The following RALGPS1 variants were observed in gnomAD, a reference collection of about 807,000 sequenced individuals.
RALGPS1 encodes the protein ras-specific guanine nucleotide-releasing factor RalGPS1.
A neutral mutation model predicts 78.8 loss-of-function variants in RALGPS1; 19 were observed. That is an observed-to-expected ratio of 0.24 (90% confidence interval 0.17 to 0.35). The LOEUF (loss-of-function observed/expected upper bound fraction) is 0.35, where lower values mean the gene tolerates loss of function less well. Among genes scored for constraint, RALGPS1 ranks in the 10% least tolerant of loss-of-function variants. The probability of loss-of-function intolerance (pLI) is 1.00; values close to 1 mark genes in which losing one functional copy is unlikely to be tolerated. For missense variants in RALGPS1, 454 were observed against 688.3 expected (o/e 0.66, Z 3.81); for synonymous variants, 228 against 256.3 (o/e 0.89, Z 1.06).
intron 11 of RALGPS1, among the ~76,000 whole-genome samples, chr9:127,186,038 TTG>T: frequency 6.6e-6 from 1 of 152,302 alleles, no homozygotes; most frequent in Middle Eastern, 3.4e-3. Flanking sequence ...TCCTGAGTCT[TTG>T]GCATCACTGT....
intron 8 of RALGPS1, chr9:127,108,816 C>T: frequency 7.2e-7 from 1 of 1,393,992 alleles, no homozygotes; most frequent in Non-Finnish European, 9.6e-7. Context: ...AGTGATGGTC[C>T]CACCACTGTC....
chr9:127,091,833 G>A lies in RALGPS1; in HGVS notation c.610+22477G>A, dbSNP rs1045659840. ...CGTATTCTGCAAAGACTTTGCGGCC[G>A]GACCAGTCCTCCATGGTCACCAGGA... On this transcript the variant is annotated intron_variant, in intron 8 of 18. Coordinates refer to ENST00000259351, the MANE Select transcript of RALGPS1 (RefSeq NM_014636.3). The surrounding 1 kb of genome is among the most constrained non-coding windows in gnomAD (Gnocchi z 4.3). The A allele has an allele frequency of 1.1e-5, 17 of 1,614,016 alleles. No homozygotes were observed. Among genetic ancestry groups the A allele is most frequent in the East Asian group, 2.2e-5 (1 of 44,892 alleles).
intron 1 of RALGPS1, among the ~76,000 whole-genome samples, chr9:126,932,566 G>C (rs2035888593): frequency 6.6e-6 from 1 of 152,132 alleles, no homozygotes; most frequent in Non-Finnish European, 1.5e-5. Flanking sequence ...ACTGTAGTCA[G>C]TTAGAGTTAA....
intron 8 of RALGPS1, among the ~76,000 whole-genome samples, chr9:127,138,302 C>G (rs542176763): frequency 6.6e-6 from 1 of 152,270 alleles, no homozygotes; most frequent in Admixed American, 6.5e-5. Flanking sequence ...GCAATTTGTC[C>G]GTGGCTGCAT....
chr9:127,198,283 C>G (rs566033048), intron 13 of RALGPS1, among the ~76,000 whole-genome samples: 30 of 152,328 alleles, frequency 2.0e-4, no homozygotes, highest in Admixed American at 1.9e-3. Context: ...TCCTCCCTCC[C>G]CCTTTCCCAG....
chr9:127,108,131 C>G (rs1339611693), intron 8 of RALGPS1: 1 of 1,613,924 alleles, frequency 6.2e-7, no homozygotes, highest in Non-Finnish European at 8.5e-7. Flanking sequence ...CAGTGCTCCT[C>G]AAGCTGCGCG....
intron 14 of RALGPS1, among the ~76,000 whole-genome samples, chr9:127,200,156 G>A (rs959334107): frequency 3.3e-5 from 5 of 151,958 alleles, no homozygotes; most frequent in South Asian, 4.2e-4. Context: ...ATGCATACAC[G>A]CACACACACA....
intron 1 of RALGPS1, among the ~76,000 whole-genome samples, chr9:126,950,578 C>G (rs549450558): frequency 1.8e-4 from 28 of 151,816 alleles, no homozygotes; most frequent in African/African-American, 6.5e-4. Context: ...GGGTACATAA[C>G]GAAATGAAGG....
chr9:127,115,487 G>A (rs2055307964), intron 8 of RALGPS1, among the ~76,000 whole-genome samples: 1 of 152,172 alleles, frequency 6.6e-6, no homozygotes, highest in Admixed American at 6.5e-5. Context: ...CATTACCTAA[G>A]AGAAAGGTAT....
chr9:127,172,453 G>A lies in RALGPS1; in HGVS notation c.843-2262G>A, dbSNP rs938148116. 4.6e-5 allele frequency among the ~76,000 whole-genome samples: 7 copies of A among 152,216 alleles called. 1 individual carries two copies. The highest frequency in any genetic ancestry group is 7.3e-5 in the Non-Finnish European group (5 of 68,032). On this transcript the variant is annotated intron_variant, in intron 10 of 18. Transcript: ENST00000259351. ...CCAGATTTCCCCAGACCATGGTGTC[G>A]TCATCTTTCTTCATGGCAGAAGAAT...
chr9:126,998,659 C>T (rs1011787348), intron 4 of RALGPS1, among the ~76,000 whole-genome samples: 1 of 152,124 alleles, frequency 6.6e-6, no homozygotes, highest in African/African-American at 2.4e-5. Flanking sequence ...CCAGCCATCC[C>T]ATTACTGGGT....
At chr9:126,994,210 T>G (rs984563471) in intron 4 of RALGPS1, among the ~76,000 whole-genome samples, 2 of 152,072 alleles carry the variant, frequency 1.3e-5, no homozygotes, top group African/African-American at 4.8e-5. Context: ...AGAAGAAGGC[T>G]TCAGATGATC....
At chr9:126,942,092 C>T (rs1291953982) in intron 1 of RALGPS1, among the ~76,000 whole-genome samples, 2 of 152,204 alleles carry the variant, frequency 1.3e-5, no homozygotes, top group Non-Finnish European at 2.9e-5. Context: ...TCAGGTCCAC[C>T]CATCTTCCGA....
chr9:127,215,586 C>T (rs1277176524), intron 18 of RALGPS1, among the ~76,000 whole-genome samples: 1 of 152,184 alleles, frequency 6.6e-6, no homozygotes, highest in Non-Finnish European at 1.5e-5. Context: ...TGGGATTGAA[C>T]CCAGGTCTGC....
At position 127,132,639 on chromosome 9, in the gene RALGPS1, A is replaced by C. The variant is rs553267164; in HGVS notation, c.611-33430A>C. The stretch of plus-strand genomic sequence containing the variant: ...AGTGAAGGGTGCAGCACCGGGTACT[A>C]GAGTCAGAGGGACCTGGGTTTGAAC... On this transcript the variant is annotated intron_variant, in intron 8 of 18. Coordinates refer to ENST00000259351, the MANE Select transcript of RALGPS1 (RefSeq NM_014636.3). 2.4e-3 allele frequency among the ~76,000 whole-genome samples: 367 copies of C among 152,352 alleles called. 3 individuals are homozygous for C. The highest frequency in any genetic ancestry group is 8.4e-3 in the African/African-American group (349 of 41,590).
intron 1 of RALGPS1, among the ~76,000 whole-genome samples, chr9:126,951,219 A>G (rs918641814): frequency 2.0e-5 from 3 of 149,774 alleles, no homozygotes; most frequent in Non-Finnish European, 4.5e-5. Flanking sequence ...ATGGATTCAC[A>G]GCCGAATTCT....
intron 1 of RALGPS1, among the ~76,000 whole-genome samples, chr9:126,930,453 AT>A (rs962810217): frequency 2.6e-5 from 4 of 152,026 alleles, no homozygotes; most frequent in African/African-American, 9.7e-5. Context: ...TTTATTTTTA[AT>A]TTTTTTGAAA....
chr9:126,960,111 T>G (rs141353305), intron 1 of RALGPS1, among the ~76,000 whole-genome samples: 3 of 152,068 alleles, frequency 2.0e-5, no homozygotes, highest in African/African-American at 7.2e-5. Context: ...CCTGGGTCAT[T>G]TGGACATTCC....
intron 8 of RALGPS1, among the ~76,000 whole-genome samples, chr9:127,126,285 G>A (rs2056612118): frequency 6.6e-6 from 1 of 152,050 alleles, no homozygotes; most frequent in South Asian, 2.1e-4. Context: ...TCTGTTTTCT[G>A]GCTTCTTTTA....
Sources: allele counts gnomAD v4.1 joint callset (sites outside exome capture counted in the v4.1 genomes callset), GRCh38; gene constraint gnomAD v4.1.1; non-coding constraint Gnocchi (gnomAD v3.1); transcripts MANE v1.5; gene names NCBI Gene and HGNC (gene_info 2026-07-23, HGNC 2026-07-21).